The following SLIT3 variants were observed in gnomAD, a reference collection of about 807,000 sequenced individuals.
The protein encoded by SLIT3 is slit homolog 3 protein.
Under a neutral mutation model 184.0 loss-of-function variants are expected in SLIT3, and 68 were observed. That is an observed-to-expected ratio of 0.37 (90% CI 0.30 to 0.45). The LOEUF is 0.45. Ranked by LOEUF, SLIT3 falls within the 20% of genes least tolerant of loss-of-function variation. The pLI is 1.00. For synonymous variants in SLIT3, 831 were observed against 828.6 expected, an observed-to-expected ratio of 1.00 and a Z score of -0.05; for missense variants, 1,707 against 2,026.0, an observed-to-expected ratio of 0.84 and a Z score of 3.02.
At chr5:168,763,716 C>A (rs149223295) in intron 14 of SLIT3, among the ~76,000 whole-genome samples, 1 of 152,176 alleles carries the variant, frequency 6.6e-6, no homozygotes, top group Admixed American at 6.5e-5. Context: ...CTGGTTGGAA[C>A]TGAAGGAGCT....
At chr5:168,667,880 G>C (rs551891729) in intron 35 of SLIT3, 1 of 152,380 alleles carries the variant, frequency 6.6e-6, no homozygotes, top group East Asian at 1.9e-4. Context: ...AACATGGGGA[G>C]AGACAGGGAG....
chr5:169,298,015 T>A (rs1429644926), intron 1 of SLIT3, among the ~76,000 whole-genome samples: 1 of 152,136 alleles, frequency 6.6e-6, no homozygotes, highest in African/African-American at 2.4e-5. Flanking sequence ...AGAATTGAAA[T>A]GTTACATTTG....
intron 4 of SLIT3, chr5:168,994,309 G>A (rs1755434752): frequency 6.6e-6 from 1 of 152,132 alleles, no homozygotes; most frequent in Admixed American, 6.6e-5. Flanking sequence ...GGGGTTTACT[G>A]AGAATCAAAG....
chr5:169,163,667 G>A (rs1360731220), intron 4 of SLIT3, among the ~76,000 whole-genome samples: 1 of 152,138 alleles, frequency 6.6e-6, no homozygotes, highest in East Asian at 1.9e-4. Context: ...CCTCACCAAA[G>A]CGATTAGACA....
chr5:168,959,794 A>T (rs1031326703), intron 4 of SLIT3, among the ~76,000 whole-genome samples: 1 of 152,186 alleles, frequency 6.6e-6, no homozygotes, highest in African/African-American at 2.4e-5. Flanking sequence ...TGAGACATTC[A>T]GGACCCTGGC....
chr5:169,042,706 G>GTTGT (rs1415250298), intron 4 of SLIT3, among the ~76,000 whole-genome samples: 2 of 152,140 alleles, frequency 1.3e-5, no homozygotes, highest in Non-Finnish European at 2.9e-5. Context: ...GGGGCATTTT[G>GTTGT]TTGTTTGTTT....
In SLIT3 at chr5:168,696,222, G is replaced by A. The variant is rs1389248567; in HGVS notation, c.3082+70C>T. ...GGGAGAGAGGAAGAGAGTCCCTGGA[G>A]GAAGTTAAGAAAATGGTATTCTAGC... On this transcript the variant is annotated intron_variant, in intron 28 of 35. Transcript: ENST00000519560. The A allele has an allele frequency of 3.2e-6, 5 of 1,571,948 alleles. No individual in the cohort carries two copies. In the East Asian group the frequency reaches 6.7e-5, roughly 21 times the overall value.
chr5:169,122,330 G>A (rs1760912646), intron 4 of SLIT3, among the ~76,000 whole-genome samples: 1 of 152,134 alleles, frequency 6.6e-6, no homozygotes, highest in South Asian at 2.1e-4. Flanking sequence ...TTCTAACCCT[G>A]AAATTAAAAC....
chr5:169,179,049 TACA>T, intron 4 of SLIT3, among the ~76,000 whole-genome samples: 1 of 152,310 alleles, frequency 6.6e-6, no homozygotes. Context: ...TACAGCTTTA[TACA>T]ACACCAAGCC....
chr5:169,188,510 C>A (rs768734796), intron 4 of SLIT3, among the ~76,000 whole-genome samples: 7 of 152,132 alleles, frequency 4.6e-5, no homozygotes, highest in Non-Finnish European at 7.3e-5. Context: ...CAGGGCCACA[C>A]AGCTTACAGG....
chr5:169,086,324 A>C (rs889976867), intron 4 of SLIT3, among the ~76,000 whole-genome samples: 4 of 152,194 alleles, frequency 2.6e-5, no homozygotes, highest in African/African-American at 9.7e-5. Context: ...CATTGTTTGG[A>C]TCTCAGAATG....
chr5:168,817,472 G>C lies in SLIT3; in HGVS notation c.630-9C>G, dbSNP rs745938449. The C allele has an allele frequency of 6.2e-7, 1 of 1,608,972 alleles. No individual in the cohort carries two copies. The highest frequency in any genetic ancestry group is 8.5e-7 in the Non-Finnish European group (1 of 1,178,960). ...GGTTGGAGTGGAGGCGCCTGGGAGA[G>C]GGCGGGACAGAGAGAAGGCATGGTC... On this transcript the variant is annotated splice_polypyrimidine_tract_variant and intron_variant, in intron 7 of 35. Transcript: ENST00000519560.
At chr5:169,183,045 G>A (rs180924419) in intron 4 of SLIT3, among the ~76,000 whole-genome samples, 169 of 152,258 alleles carry the variant, frequency 1.1e-3, no homozygotes, top group African/African-American at 3.9e-3. Flanking sequence ...AGAGCGAGGT[G>A]GCAAGAAGCC....
intron 4 of SLIT3, among the ~76,000 whole-genome samples, chr5:168,947,825 C>T (rs944339243): frequency 2.0e-5 from 3 of 152,036 alleles, no homozygotes; most frequent in African/African-American, 7.2e-5. Context: ...CTTGCTATGT[C>T]ACTCAGGCTG....
At chr5:169,129,425 G>A (rs547036975) in intron 4 of SLIT3, among the ~76,000 whole-genome samples, 55 of 152,146 alleles carry the variant, frequency 3.6e-4, no homozygotes, top group Admixed American at 1.4e-3. Flanking sequence ...GGTGGTGGGC[G>A]CCTGTAATAC....
intron 4 of SLIT3, among the ~76,000 whole-genome samples, chr5:169,135,559 G>C (rs1581444884): frequency 6.6e-6 from 1 of 152,144 alleles, no homozygotes; most frequent in African/African-American, 2.4e-5. Flanking sequence ...CTCACCATCA[G>C]TCATGCCTTT....
chr5:169,281,889 C>T (rs746818707), intron 1 of SLIT3, among the ~76,000 whole-genome samples: 6 of 152,052 alleles, frequency 3.9e-5, no homozygotes, highest in Non-Finnish European at 5.9e-5. Context: ...CCCCAGGGGA[C>T]ATTTGGCAAT....
At position 168,700,602 on chromosome 5, in the gene SLIT3, G is replaced by C. The variant is rs1330896114; in HGVS notation, c.2922C>G (p.Asp974Glu). ...CQHGGTCHLS[D>E]SHKDGFSCSC... ...GTTACCTGAACCCATCCTTGTGGCTGTCACTCAGGTGGCAGGTGCCTCCAT... is the reference window on the plus strand; with the variant it reads ...GTTACCTGAACCCATCCTTGTGGCTCTCACTCAGGTGGCAGGTGCCTCCAT... The change falls in exon 27 of 36, where the codon GAC becomes GAG. Residue 974 changes from aspartate to glutamate, a missense_variant. This residue lies in a region of SLIT3 where 1,307 missense variants were observed against 1,511.6 expected (regional missense o/e 0.86). Coordinates refer to ENST00000519560, the MANE Select transcript of SLIT3 (RefSeq NM_003062.4). 2 of 1,613,966 alleles carry C rather than the reference G, an allele frequency of 1.2e-6. No homozygotes were observed. Among genetic ancestry groups the C allele is most frequent in the Admixed American group, 1.7e-5 (1 of 60,018 alleles).
At chr5:168,907,562 T>C (rs1761091789) in intron 4 of SLIT3, among the ~76,000 whole-genome samples, 1 of 152,334 alleles carries the variant, frequency 6.6e-6, no homozygotes, top group African/African-American at 2.4e-5. Flanking sequence ...TTTTGATGAC[T>C]AGTCATGTCC....
Sources: gnomAD v4.1 joint callset for allele counts (sites outside exome capture counted in the v4.1 genomes callset) on GRCh38, gnomAD v4.1.1 for gene constraint, gnomAD v4.1.1 regional missense constraint, MANE v1.5 for transcripts, NCBI Gene and HGNC (gene_info 2026-07-23, HGNC 2026-07-21) for gene names.